The following MUCL1 variants were observed in gnomAD, a reference collection of about 807,000 sequenced individuals.
MUCL1 encodes the protein mucin like 1.
MUCL1 carries 11 observed loss-of-function variants against 9.2 expected under a neutral mutation model. The ratio of observed to expected loss-of-function variants is 1.19; its 90% CI spans 0.75 to 1.97. The LOEUF is 1.97. MUCL1 is among the 30% of genes most tolerant of loss of function. The pLI, the probability that MUCL1 is intolerant of heterozygous loss-of-function variation, is 0.00. For synonymous variants in MUCL1, 48 were observed against 40.5 expected (o/e 1.19, Z -0.71); for missense variants, 144 against 110.9 (o/e 1.30, Z -1.34).
At chr12:54,853,414 G>A (rs1868270678), upstream of MUCL1, among the ~76,000 whole-genome samples, 1 of 152,128 alleles carries the variant, frequency 6.6e-6, no homozygotes, top group Non-Finnish European at 1.5e-5. Context: ...GGAACTTGGG[G>A]CAGTGCTGGG....
At chr12:54,858,152 C>T (rs375293752) in intron 3 of MUCL1, 41 bp from the exon 4 acceptor site, 25 of 1,611,096 alleles carry the variant, frequency 1.6e-5, no homozygotes, top group African/African-American at 8.0e-5. Flanking sequence ...CATTCTTCAT[C>T]CTTTGTCGAA....
At chr12:54,855,179 A>G (rs2135946607) in intron 2 of MUCL1, 22 bp downstream of exon 2, 1 of 1,610,162 alleles carries the variant, frequency 6.2e-7, no homozygotes, top group Admixed American at 1.7e-5. Context: ...CTTGAATGTC[A>G]TCTCTTTCCA....
At chr12:54,851,330 C>T (rs529928048), upstream of MUCL1, among the ~76,000 whole-genome samples, 7 of 152,152 alleles carry the variant, frequency 4.6e-5, no homozygotes, top group Non-Finnish European at 7.4e-5. Context: ...TTAAATTAAT[C>T]TCTGGGATGC....
chr12:54,839,593 A>T (rs1003055733), intron 1 of MUCL1: 3 of 679,800 alleles, frequency 4.4e-6, no homozygotes, highest in Non-Finnish European at 8.0e-6. Context: ...CAGGAAAATG[A>T]TTTGCCTCCC....
At chr12:54,831,504 AG>A (rs1334744155) in intron 1 of MUCL1, among the ~76,000 whole-genome samples, 2 of 152,096 alleles carry the variant, frequency 1.3e-5, no homozygotes, top group African/African-American at 4.8e-5. Flanking sequence ...AAAATAGTTA[AG>A]GGGGAAATAA....
intron 2 of MUCL1, 37 bp downstream of exon 2, chr12:54,855,194 T>A: frequency 3.1e-6 from 5 of 1,599,600 alleles, no homozygotes; most frequent in Non-Finnish European, 4.3e-6. Flanking sequence ...TTTCCAGCAA[T>A]AACCATTTTT....
At chr12:54,832,469 T>C (rs1188984034) in intron 1 of MUCL1, among the ~76,000 whole-genome samples, 2 of 152,156 alleles carry the variant, frequency 1.3e-5, no homozygotes, top group East Asian at 3.8e-4. Flanking sequence ...GTCTTCACAA[T>C]ATTAAAAGAG....
chr12:54,850,055 A>G (rs986317531), upstream of MUCL1, among the ~76,000 whole-genome samples: 2 of 152,108 alleles, frequency 1.3e-5, no homozygotes, highest in Admixed American at 6.5e-5. Context: ...TGCTTCTCCA[A>G]TGAGTTCTGA....
chr12:54,843,334 TTTATCAAATG>T (rs1959222038), intron 1 of MUCL1, among the ~76,000 whole-genome samples: 1 of 152,204 alleles, frequency 6.6e-6, no homozygotes, highest in African/African-American at 2.4e-5. Flanking sequence ...GGTATTGAAT[TTTATCAAATG>T]TTTTTCTGCA....
upstream of MUCL1, among the ~76,000 whole-genome samples, chr12:54,851,052 G>A (rs1342626390): frequency 6.6e-6 from 1 of 152,108 alleles, no homozygotes; most frequent in Non-Finnish European, 1.5e-5. Flanking sequence ...TGTAGATTCT[G>A]GATATTAGCC....
chr12:54,853,795 T>A (rs1361760072), upstream of MUCL1, among the ~76,000 whole-genome samples: 1 of 152,232 alleles, frequency 6.6e-6, no homozygotes. Context: ...TCGCTGTTAT[T>A]TTTCTAACAT....
intron 1 of MUCL1, among the ~76,000 whole-genome samples, chr12:54,840,777 A>G (rs1959206806): frequency 6.6e-6 from 1 of 152,188 alleles, no homozygotes; most frequent in African/African-American, 2.4e-5. Context: ...CTGCCACACA[A>G]AAGAATCCAC....
intron 1 of MUCL1, among the ~76,000 whole-genome samples, chr12:54,833,270 T>C (rs1249139479): frequency 2.0e-5 from 3 of 152,184 alleles, no homozygotes; most frequent in African/African-American, 7.2e-5. Context: ...TATAGAATTA[T>C]ATGAGGAGAA....
In MUCL1 at chr12:54,854,658, C is replaced by A. The variant is rs756238031; in HGVS notation, c.58+18C>A. On this transcript the variant is annotated intron_variant, in intron 1 of 3. Coordinates refer to ENST00000308796, the MANE Select transcript of MUCL1 (RefSeq NM_058173.3). ...CTCTGCCCGTAAGTAAAGATTCTTA[C>A]CTGAACATAAGTTTTGTGGGAATAT... 1.9e-6 allele frequency: 3 copies of A among 1,606,438 alleles called. No homozygotes were observed. Among genetic ancestry groups the A allele is most frequent in the East Asian group, 2.2e-5 (1 of 44,802 alleles).
At chr12:54,850,423 C>A (rs1026399223), upstream of MUCL1, among the ~76,000 whole-genome samples, 1 of 150,394 alleles carries the variant, frequency 6.6e-6, no homozygotes, top group Non-Finnish European at 1.5e-5. Context: ...GGTTTTTTGT[C>A]CTTGCGATGG....
intron 1 of MUCL1, among the ~76,000 whole-genome samples, chr12:54,848,078 G>T (rs1457769081): frequency 2.5e-5 from 3 of 120,558 alleles, no homozygotes; most frequent in African/African-American, 8.5e-5. Context: ...TCGTTAGTCT[G>T]TGTCTAGTTA....
chr12:54,854,762 C>T (rs1868286953), intron 1 of MUCL1, 122 bp downstream of exon 1: 3 of 824,078 alleles, frequency 3.6e-6, no homozygotes, highest in Admixed American at 5.0e-5. Flanking sequence ...CTTGTTCTAT[C>T]ACCATTTTGA....
chr12:54,844,449 G>A (rs1223853509), intron 1 of MUCL1, among the ~76,000 whole-genome samples: 1 of 152,154 alleles, frequency 6.6e-6, no homozygotes, highest in Non-Finnish European at 1.5e-5. Context: ...ACAGCCTAAG[G>A]ATCTGGCTGA....
upstream of MUCL1, chr12:54,854,453 G>A (rs1029253314): frequency 2.0e-5 from 13 of 665,396 alleles, no homozygotes; most frequent in African/African-American, 1.6e-4. Context: ...CCTGGATTCT[G>A]GTTGACAGCT....
Sources: gnomAD v4.1 joint callset for allele counts (sites outside exome capture counted in the v4.1 genomes callset) on GRCh38, gnomAD v4.1.1 for gene constraint, MANE v1.5 for transcripts, NCBI Gene and HGNC (gene_info 2026-07-23, HGNC 2026-07-21) for gene names.